DNER: variants seen among roughly 807,000 people sequenced by gnomAD.
DNER encodes the protein delta and Notch-like epidermal growth factor-related receptor.
DNER carries 33 observed loss-of-function variants against 78.2 expected under a neutral mutation model. The observed-to-expected ratio is 0.42, with a 90% CI of 0.32 to 0.56. The LOEUF is 0.56. Ranked by LOEUF, DNER falls within the 20% of genes least tolerant of loss-of-function variation. DNER has a pLI of 0.11. For missense variants in DNER, 918 were observed against 975.3 expected (o/e 0.94, Z 0.78); for synonymous variants, 417 against 384.8 (o/e 1.08, Z -0.98).
intron 4 of DNER, among the ~76,000 whole-genome samples, chr2:229,556,575 T>C (rs1390809017): frequency 6.6e-6 from 1 of 152,216 alleles, no homozygotes; most frequent in Non-Finnish European, 1.5e-5. Flanking sequence ...CTTATGCACA[T>C]CTAAAATTGG....
At position 229,591,748 on chromosome 2, in the gene DNER, G is replaced by A. The variant is rs779334501; in HGVS notation, c.417C>T (p.Leu139=). The change falls in exon 2 of 13, where the codon CTC becomes CTT. Residue 139 remains leucine (L), a synonymous_variant. Transcript: ENST00000341772. This position sits in a 1 kb window ranked among gnomAD's most constrained non-coding sequence, Gnocchi z 4.6. ...GPNCEQALPS[L]PATGWTESMA... ...TGGATTCGGTCCAGCCAGTGGCTGG[G>A]AGACTGGGAAGTGCCTGTTCACAGT... is the stretch of plus-strand genomic sequence containing the variant. 6.2e-7 allele frequency: 1 copy of A among 1,614,200 alleles called. No individual in the cohort carries two copies. Among genetic ancestry groups the A allele is most frequent in the Admixed American group, 1.7e-5 (1 of 60,020 alleles).
At chr2:229,493,605 C>A (rs12467146) in intron 6 of DNER, among the ~76,000 whole-genome samples, 1 of 152,062 alleles carries the variant, frequency 6.6e-6, no homozygotes, top group African/African-American at 2.4e-5. Context: ...AATAAGAGAA[C>A]TGAGCCCCTA....
chr2:229,369,706 A>G (rs1467583718), intron 11 of DNER, among the ~76,000 whole-genome samples: 4 of 152,202 alleles, frequency 2.6e-5, no homozygotes, highest in Admixed American at 1.3e-4. Context: ...GAAGGACACA[A>G]TGTAATCTCT....
intron 1 of DNER, 116 bp from the exon 2 acceptor site, chr2:229,592,004 G>T: frequency 7.6e-7 from 1 of 1,314,128 alleles, no homozygotes; most frequent in Non-Finnish European, 1.0e-6. Flanking sequence ...TGTTCCTGTG[G>T]AATACACTCC....
chr2:229,633,363 T>C (rs527630620), intron 1 of DNER, among the ~76,000 whole-genome samples: 1 of 152,358 alleles, frequency 6.6e-6, no homozygotes, highest in South Asian at 2.1e-4. Context: ...TTAAATATTT[T>C]GAATATCTCT....
chr2:229,383,202 A>C (rs1274719851), intron 11 of DNER, among the ~76,000 whole-genome samples: 2 of 152,206 alleles, frequency 1.3e-5, no homozygotes, highest in African/African-American at 4.8e-5. Context: ...CTTTACAGAC[A>C]AGCAAATGCT....
chr2:229,658,519 T>G (rs1698950234), intron 1 of DNER, among the ~76,000 whole-genome samples: 1 of 152,178 alleles, frequency 6.6e-6, no homozygotes. Context: ...TTCACACAAA[T>G]TAAAAATGAA....
intron 6 of DNER, among the ~76,000 whole-genome samples, chr2:229,512,027 T>C (rs1050612427): frequency 2.6e-5 from 4 of 152,162 alleles, no homozygotes; most frequent in Admixed American, 6.5e-5. Flanking sequence ...TGCCCATCAA[T>C]CAACGAGTGG....
At chr2:229,641,543 A>G (rs1698625017) in intron 1 of DNER, among the ~76,000 whole-genome samples, 1 of 118,112 alleles carries the variant, frequency 8.5e-6, no homozygotes, top group African/African-American at 3.2e-5. Flanking sequence ...TTGCTCACCT[A>G]GTTAATTTCA....
In DNER at chr2:229,714,346, C is replaced by T; in HGVS notation, c.78G>A (p.Ala26=). ...ALALLLLLLG[A]GPRGSSLANP... is the part of the protein sequence containing the mutation. ...TGGCCAGGGAGCTGCCTCGGGGCCC[C>T]GCTCCGAGCAGCAGCAGCAGCAGGG... Residue 26 remains alanine (A), a synonymous_variant, in exon 1 of 13, where the codon GCG becomes GCA. Transcript: ENST00000341772. The T allele has an allele frequency of 1.6e-6, 2 of 1,246,234 alleles. No homozygotes were observed. The highest frequency in any genetic ancestry group is 6.6e-5 in the South Asian group (2 of 30,496). The allele number at this position is 1,246,234 out of a possible 1,614,324, so 77.2% of individuals were successfully genotyped here. A position where few individuals can be genotyped will look rare whatever the true frequency, so the allele number is the denominator to read the frequency against.
intron 1 of DNER, among the ~76,000 whole-genome samples, chr2:229,700,282 A>ATG (rs1297336765): frequency 1.2e-4 from 5 of 41,628 alleles, no homozygotes; most frequent in African/African-American, 2.9e-4. Context: ...TTATGTCAAT[A>ATG]TATGTGTGTG....
At chr2:229,429,562 C>T (rs978028588) in intron 8 of DNER, among the ~76,000 whole-genome samples, 14 of 152,326 alleles carry the variant, frequency 9.2e-5, no homozygotes, top group African/African-American at 3.1e-4. Flanking sequence ...TTTTAAAAGA[C>T]AACCTGGGTG....
chr2:229,698,910 G>A (rs1699702066), intron 1 of DNER, among the ~76,000 whole-genome samples: 1 of 152,060 alleles, frequency 6.6e-6, no homozygotes, highest in Non-Finnish European at 1.5e-5. Context: ...CAATTTTAAA[G>A]AGTAAAAATG....
At chr2:229,405,110 A>T (rs1000250313) in intron 10 of DNER, among the ~76,000 whole-genome samples, 1 of 152,226 alleles carries the variant, frequency 6.6e-6, no homozygotes, top group Admixed American at 6.5e-5. Flanking sequence ...AATCAGACAA[A>T]GGATATGAAT....
In DNER at chr2:229,358,448, T is replaced by C. The variant is rs1574802952; in HGVS notation, c.*92A>G. The C allele has an allele frequency of 3.0e-6, 3 of 1,014,446 alleles. No individual in the cohort carries two copies. The highest frequency in any genetic ancestry group is 5.6e-5 in the East Asian group (2 of 36,022). 62.8% of individuals were successfully genotyped at this position (1,014,446 alleles called of 1,614,324 possible). On this transcript the variant is annotated 3_prime_UTR_variant, in exon 13 of 13. Coordinates refer to ENST00000341772, the MANE Select transcript of DNER (RefSeq NM_139072.4). ...ATTCTACTGAAAACTCTTGAGCAGC[T>C]AGCATTTTAAATTTCTTAAGCTTTT...
At chr2:229,396,351 G>A (rs897514223) in intron 10 of DNER, among the ~76,000 whole-genome samples, 3 of 152,102 alleles carry the variant, frequency 2.0e-5, no homozygotes, top group Admixed American at 2.0e-4. Context: ...GATTTTTTCA[G>A]TAATTTAAGA....
chr2:229,677,369 C>G (rs1227206777), intron 1 of DNER, among the ~76,000 whole-genome samples: 2 of 152,144 alleles, frequency 1.3e-5, no homozygotes, highest in Non-Finnish European at 2.9e-5. Flanking sequence ...ACAAGGAAAC[C>G]TGAGATGGGG....
rs1407795525 is a variant in DNER, at chr2:229,366,899, A to G, written c.2076T>C (p.Asn692=). The change falls in exon 12 of 13, where the codon AAT becomes AAC. Residue 692 remains asparagine, a synonymous_variant. Transcript: ENST00000341772. Reference sequence around the variant, plus strand: ...TGGCATGCCGGATGGATGCAATGGCATTGCTGAACTCGCTGTCGATGCTGC... The same window carrying G: ...TGGCATGCCGGATGGATGCAATGGCGTTGCTGAACTCGCTGTCGATGCTGC... The part of the protein sequence containing the change: ...NCRSIDSEFS[N]AIASIRHARF... The G allele has an allele frequency of 1.9e-6, 3 of 1,614,080 alleles. No homozygotes were observed. Among genetic ancestry groups the G allele is most frequent in the Admixed American group, 1.7e-5 (1 of 60,010 alleles).
intron 1 of DNER, among the ~76,000 whole-genome samples, chr2:229,623,462 C>T (rs73107365): frequency 0.023 from 3,568 of 152,222 alleles, 126 homozygotes; most frequent in African/African-American, 0.08. Flanking sequence ...GTGTTCCCCA[C>T]CCCCATACCT....
Sources: gnomAD v4.1 joint callset for allele counts (sites outside exome capture counted in the v4.1 genomes callset) on GRCh38, gnomAD v4.1.1 for gene constraint, Gnocchi (gnomAD v3.1) non-coding constraint, MANE v1.5 for transcripts, NCBI Gene and HGNC (gene_info 2026-07-23, HGNC 2026-07-21) for gene names.